RBFOX1: variants seen among roughly 807,000 people sequenced by gnomAD.
RBFOX1 encodes RNA binding protein fox-1 homolog 1.
In RBFOX1, 8 loss-of-function variants were observed where a neutral mutation model predicts 57.7. The ratio of observed to expected loss-of-function variants is 0.14; its 90% CI spans 0.08 to 0.25. RBFOX1 has a LOEUF of 0.25. RBFOX1 is among the 10% of genes least tolerant of loss of function. The probability of loss-of-function intolerance (pLI) is 1.00; values close to 1 mark genes in which losing one functional copy is unlikely to be tolerated. For synonymous variants in RBFOX1, 326 were observed against 222.4 expected, an observed-to-expected ratio of 1.47 and a Z score of -4.15; for missense variants, 611 against 548.5, an observed-to-expected ratio of 1.11 and a Z score of -1.14.
At chr16:7,051,184 G>C (rs2049943420) in intron 3 of RBFOX1, among the ~76,000 whole-genome samples, 2 of 152,166 alleles carry the variant, frequency 1.3e-5, no homozygotes, top group Admixed American at 1.3e-4. Context: ...TTTTATTTCA[G>C]CTTAACTATT....
At chr16:7,504,773 A>ATT (rs2072555884) in intron 4 of RBFOX1, among the ~76,000 whole-genome samples, 1 of 9,396 alleles carries the variant, frequency 1.1e-4, no homozygotes, top group African/African-American at 2.4e-4. Context: ...ATATATATTT[A>ATT]TATATATATA....
chr16:5,513,233 C>T (rs769144452), intron 2 of RBFOX1, among the ~76,000 whole-genome samples: 1 of 152,094 alleles, frequency 6.6e-6, no homozygotes, highest in Admixed American at 6.6e-5. Context: ...TTTTAATGAC[C>T]TTGATGGTTT....
chr16:6,861,017 C>T (rs2058894645), intron 3 of RBFOX1, among the ~76,000 whole-genome samples: 1 of 152,010 alleles, frequency 6.6e-6, no homozygotes, highest in African/African-American at 2.4e-5. Context: ...AGCAGTATGC[C>T]CACCACTGTT....
intron 2 of RBFOX1, among the ~76,000 whole-genome samples, chr16:5,567,142 C>T (rs2046100912): frequency 6.6e-6 from 1 of 152,160 alleles, no homozygotes; most frequent in African/African-American, 2.4e-5. Flanking sequence ...TTGTGAACAA[C>T]CGAGGGAAAC....
At chr16:7,516,418 C>T in intron 4 of RBFOX1, among the ~76,000 whole-genome samples, 1 of 152,074 alleles carries the variant, frequency 6.6e-6, no homozygotes, top group East Asian at 1.9e-4. Flanking sequence ...TGTATCTGCA[C>T]CATACAGGCT....
intron 5 of RBFOX1, among the ~76,000 whole-genome samples, chr16:7,549,235 C>G (rs763587596): frequency 1.2e-4 from 18 of 152,228 alleles, no homozygotes; most frequent in Non-Finnish European, 2.2e-4. Context: ...TATGACTTCA[C>G]TAGCCCCCAA....
intron 3 of RBFOX1, among the ~76,000 whole-genome samples, chr16:5,788,713 C>G (rs547769117): frequency 6.6e-6 from 1 of 152,058 alleles, no homozygotes; most frequent in Non-Finnish European, 1.5e-5. Context: ...AGCTCCTCAG[C>G]GAGTGTAAGA....
chr16:6,817,043 C>G (rs530067426), intron 3 of RBFOX1, among the ~76,000 whole-genome samples: 1 of 152,268 alleles, frequency 6.6e-6, no homozygotes, highest in East Asian at 1.9e-4. Flanking sequence ...TCACCATGCT[C>G]AGCCTCTTTG....
intron 3 of RBFOX1, among the ~76,000 whole-genome samples, chr16:6,779,919 ATATATATTTATATATATTTATATATATT>A (rs2080239849): frequency 1.3e-3 from 5 of 3,814 alleles, no homozygotes; most frequent in African/African-American, 3.1e-3. Flanking sequence ...TTATATATTT[ATATATATTTATATATATTTATATATATT>A]TATATATTTA....
At chr16:6,996,862 A>G (rs2092297324) in intron 3 of RBFOX1, among the ~76,000 whole-genome samples, 1 of 152,148 alleles carries the variant, frequency 6.6e-6, no homozygotes, top group Non-Finnish European at 1.5e-5. Context: ...CAGAGGCTGA[A>G]AGAATAACAC....
intron 15 of RBFOX1, chr16:7,709,360 C>A: frequency 9.3e-7 from 1 of 1,074,936 alleles, no homozygotes; most frequent in Non-Finnish European, 1.3e-6. Flanking sequence ...TTGCAAGTCT[C>A]ACCTAGCAGA....
chr16:6,162,979 C>T (rs1000777605), intron 1 of RBFOX1, among the ~76,000 whole-genome samples: 3 of 152,138 alleles, frequency 2.0e-5, no homozygotes, highest in African/African-American at 7.2e-5. Flanking sequence ...GGTGATCCAC[C>T]TGCCTCACCT....
At chr16:6,518,533 C>T (rs1166818219) in intron 2 of RBFOX1, among the ~76,000 whole-genome samples, 1 of 151,772 alleles carries the variant, frequency 6.6e-6, no homozygotes, top group Non-Finnish European at 1.5e-5. Flanking sequence ...GATCTGATTC[C>T]AGTTCAAAAT....
intron 4 of RBFOX1, among the ~76,000 whole-genome samples, chr16:5,919,135 C>T (rs1008065270): frequency 8.5e-5 from 13 of 152,112 alleles, no homozygotes; most frequent in African/African-American, 3.1e-4. Context: ...GGTGTTTATA[C>T]TTCTTATCCT....
rs972979635 is a variant in RBFOX1, at chr16:5,919,720, C to G, written c.351+52385C>G. 3.3e-5 allele frequency among the ~76,000 whole-genome samples: 5 copies of G among 152,272 alleles called. No individual in the cohort carries two copies. The East Asian group carries it at 7.7e-4, about 24-fold the overall frequency. On this transcript the variant is annotated intron_variant, in intron 4 of 19. Transcript: ENST00000641259. ...TGCCACCACCACCTTGATCTCGTTT[C>G]AAAACATTTTCATTTCTCCAAAGGA... is the stretch of plus-strand genomic sequence containing the variant.
intron 4 of RBFOX1, among the ~76,000 whole-genome samples, chr16:5,931,749 C>T (rs1009474257): frequency 6.6e-6 from 1 of 152,130 alleles, no homozygotes; most frequent in Non-Finnish European, 1.5e-5. Context: ...GATTCCCTAC[C>T]CGTCTCATGC....
At chr16:5,982,646 A>G (rs994766229) in intron 4 of RBFOX1, among the ~76,000 whole-genome samples, 2 of 152,120 alleles carry the variant, frequency 1.3e-5, no homozygotes, top group Non-Finnish European at 2.9e-5. Flanking sequence ...ATTTTCTTCA[A>G]GTGGGCTCCT....
intron 2 of RBFOX1, among the ~76,000 whole-genome samples, chr16:6,544,143 G>A (rs4786100): frequency 6.6e-6 from 1 of 152,186 alleles, no homozygotes; most frequent in Non-Finnish European, 1.5e-5. Context: ...CCAGTAGATT[G>A]AACCGAGTAA....
intron 2 of RBFOX1, among the ~76,000 whole-genome samples, chr16:6,458,629 C>G (rs1187628966): frequency 1.3e-5 from 2 of 152,202 alleles, no homozygotes; most frequent in African/African-American, 4.8e-5. Context: ...GTTGATCAAA[C>G]TCTTCCTGAC....
Sources: allele counts gnomAD v4.1 joint callset (sites outside exome capture counted in the v4.1 genomes callset), GRCh38; gene constraint gnomAD v4.1.1; transcripts MANE v1.5; gene names NCBI Gene and HGNC (gene_info 2026-07-23, HGNC 2026-07-21).